The following SRGAP2 variants were observed in gnomAD, a reference collection of about 807,000 sequenced individuals.
The protein encoded by SRGAP2 is SLIT-ROBO Rho GTPase-activating protein 2.
In SRGAP2, 15 loss-of-function variants were observed where a neutral mutation model predicts 57.2. That is an observed-to-expected ratio of 0.26 (90% CI 0.18 to 0.40). The LOEUF (loss-of-function observed/expected upper bound fraction) is 0.40. Ranked by LOEUF, SRGAP2 falls within the 10% of genes least tolerant of loss-of-function variation. SRGAP2 has a pLI of 1.00. For synonymous variants in SRGAP2, 249 were observed against 248.0 expected (o/e 1.00, Z -0.04); for missense variants, 520 against 669.6 (o/e 0.78, Z 2.47).
chr1:206,423,304 A>G (rs1041548679), intron 13 of SRGAP2, among the ~76,000 whole-genome samples: 5 of 152,056 alleles, frequency 3.3e-5, no homozygotes, highest in Non-Finnish European at 7.4e-5. Flanking sequence ...TCCTCTCACG[A>G]TGTCTCTCTA....
At chr1:206,319,151 C>A (rs1425611008) in intron 3 of SRGAP2, among the ~76,000 whole-genome samples, 1 of 151,036 alleles carries the variant, frequency 6.6e-6, no homozygotes, top group Non-Finnish European at 1.5e-5. Flanking sequence ...GTGGCTCACG[C>A]CTGTAATCCC....
intron 17 of SRGAP2, among the ~76,000 whole-genome samples, chr1:206,445,535 T>A (rs1177618820): frequency 1.3e-5 from 2 of 152,240 alleles, no homozygotes; most frequent in South Asian, 2.1e-4. Flanking sequence ...ATACGAAAGC[T>A]AATCAGTTGG....
At position 206,437,723 on chromosome 1, in the gene SRGAP2, C is replaced by T. The variant is rs566337647; in HGVS notation, c.1634-241C>T. On this transcript the variant is annotated intron_variant, in intron 15 of 22. Transcript: ENST00000573034. Reference sequence around the variant, plus strand: ...CCATAGGGAATGTCCCTGAGCCAGGCTGGCACAAGAGAGTTTATATTGGTG... The same window carrying T: ...CCATAGGGAATGTCCCTGAGCCAGGTTGGCACAAGAGAGTTTATATTGGTG... 94 of 491,852 alleles carry T rather than the reference C, an allele frequency of 1.9e-4. 1 individual carries two copies. In the South Asian group the frequency reaches 2.5e-3, roughly 13 times the overall value. 30.5% of individuals were successfully genotyped at this position (491,852 alleles called of 1,614,324 possible).
chr1:206,209,096 A>G (rs1406123153), intron 2 of SRGAP2, among the ~76,000 whole-genome samples: 3 of 145,342 alleles, frequency 2.1e-5, no homozygotes, highest in African/African-American at 8.1e-5. Flanking sequence ...TGGGCTGACT[A>G]TTGAGGCTGC....
At chr1:206,447,925 C>T (rs1318704146) in intron 18 of SRGAP2, among the ~76,000 whole-genome samples, 1 of 152,172 alleles carries the variant, frequency 6.6e-6, no homozygotes, top group Non-Finnish European at 1.5e-5. Flanking sequence ...CCACCTGTTT[C>T]TTGTGCACTC....
chr1:206,303,244 C>T (rs1223124513), intron 2 of SRGAP2, 37 bp from the exon 3 acceptor site: 16 of 1,421,290 alleles, frequency 1.1e-5, no homozygotes, highest in Middle Eastern at 1.9e-4. Context: ...TTATTTAGGG[C>T]GGTCTTTCTG....
chr1:206,438,122 T>C, intron 16 of SRGAP2, 24 bp downstream of exon 16: 2 of 780,130 alleles, frequency 2.6e-6, no homozygotes, highest in Non-Finnish European at 4.8e-6. Context: ...TGGCTTCAGA[T>C]TGGCTTCTGG....
At chr1:206,450,670 T>C (rs556725275) in intron 19 of SRGAP2, among the ~76,000 whole-genome samples, 1 of 152,192 alleles carries the variant, frequency 6.6e-6, no homozygotes, top group Admixed American at 6.5e-5. Context: ...AAACCAGAGG[T>C]GAAGAACTAG....
chr1:206,318,231 T>G (rs1214794841), intron 3 of SRGAP2, among the ~76,000 whole-genome samples: 1 of 149,880 alleles, frequency 6.7e-6, no homozygotes, highest in Non-Finnish European at 1.5e-5. Flanking sequence ...ACAGAATTGA[T>G]TTCTGCAGTG....
At position 206,461,197 on chromosome 1, in the gene SRGAP2, C is replaced by G. The variant is rs373261411; in HGVS notation, c.2993C>G (p.Thr998Ser). The G allele has an allele frequency of 7.7e-6, 6 of 780,578 alleles. No individual in the cohort carries two copies. The highest frequency in any genetic ancestry group is 3.4e-5 in the Admixed American group (2 of 58,998). 48.4% of individuals were successfully genotyped at this position (780,578 alleles called of 1,614,324 possible). A position where few individuals can be genotyped will look rare whatever the true frequency, so the allele number is the denominator to read the frequency against. Residue 998 changes from threonine (T) to serine (S), a missense_variant, in exon 23 of 23, where the codon ACC becomes AGC. Coordinates refer to ENST00000573034, the MANE Select transcript of SRGAP2 (RefSeq NM_015326.5). ...PTSEPSSPLH[T>S]QLLKDPEPAF... The stretch of plus-strand genomic sequence containing the variant: ...TCAGAGCCCTCCAGCCCTCTGCACA[C>G]CCAGCTCCTCAAGGACCCCGAGCCC...
chr1:206,444,643 C>T (rs1662595176), intron 17 of SRGAP2, among the ~76,000 whole-genome samples: 1 of 152,210 alleles, frequency 6.6e-6, no homozygotes, highest in Admixed American at 6.5e-5. Flanking sequence ...CTGAGGTTAC[C>T]AAGGTAATTA....
chr1:206,254,659 T>C (rs1553311864), intron 2 of SRGAP2, among the ~76,000 whole-genome samples: 2 of 151,568 alleles, frequency 1.3e-5, no homozygotes, highest in African/African-American at 4.9e-5. Context: ...ATCTATATCC[T>C]GCACCATACA....
At chr1:206,295,812 A>G (rs1436193873) in intron 2 of SRGAP2, among the ~76,000 whole-genome samples, 28 of 152,328 alleles carry the variant, frequency 1.8e-4, no homozygotes, top group African/African-American at 6.7e-4. Flanking sequence ...AGAAATCCTC[A>G]CTTTATCCAT....
chr1:206,386,095 G>A (rs1553348382), intron 5 of SRGAP2, among the ~76,000 whole-genome samples: 1 of 152,190 alleles, frequency 6.6e-6, no homozygotes, highest in African/African-American at 2.4e-5. Flanking sequence ...AATGCCTGAA[G>A]ACATTTTTGA....
At chr1:206,229,933 C>G in intron 2 of SRGAP2, among the ~76,000 whole-genome samples, 1 of 113,428 alleles carries the variant, frequency 8.8e-6, no homozygotes, top group Admixed American at 8.5e-5. Context: ...CACATACATA[C>G]ACACACACAC....
chr1:206,281,868 C>T (rs1253808429), intron 2 of SRGAP2, among the ~76,000 whole-genome samples: 1 of 140,718 alleles, frequency 7.1e-6, no homozygotes, highest in Non-Finnish European at 1.5e-5. Flanking sequence ...GAGCAGAGAT[C>T]GCACCACTGC....
intron 5 of SRGAP2, among the ~76,000 whole-genome samples, chr1:206,391,013 T>C (rs1553350248): frequency 6.6e-6 from 1 of 152,174 alleles, no homozygotes; most frequent in African/African-American, 2.4e-5. Flanking sequence ...CTTTCTAAGC[T>C]AGATTTTCTC....
intron 4 of SRGAP2, among the ~76,000 whole-genome samples, chr1:206,355,793 C>G (rs1378526686): frequency 6.6e-6 from 1 of 152,002 alleles, no homozygotes. Context: ...ATGCTGAAAC[C>G]CTGTCTCTAC....
Position 206,440,027 on chromosome 1 carries a change from T to G in SRGAP2, c.1820T>G (p.Val607Gly). 1.3e-6 allele frequency: 1 copy of G among 780,926 alleles called. No homozygotes were observed. Among genetic ancestry groups the G allele is most frequent in the Middle Eastern group, 2.3e-4 (1 of 4,442 alleles). 48.4% of individuals were successfully genotyped at this position (780,926 alleles called of 1,614,324 possible). ...CTGCACATCCGGAAAGTCCTCCTAG[T>G]CCTGCCCAAAACCACTCTGATTATC... ...RALHIRKVLL[V>G]LPKTTLIIMR... is the part of the protein sequence containing the mutation. The change falls in exon 17 of 23, where the codon GTC (valine) becomes GGC (glycine). Residue 607 changes from valine to glycine, a missense_variant. Val to Gly is a moderately radical substitution (Grantham distance 109, BLOSUM62 -3). Around this residue, in one of 5 missense-constraint regions of SRGAP2, gnomAD observed 478 missense variants for 373.6 expected, o/e 1.28. Coordinates refer to ENST00000573034, the MANE Select transcript of SRGAP2 (RefSeq NM_015326.5).
Sources: allele counts gnomAD v4.1 joint callset (sites outside exome capture counted in the v4.1 genomes callset), GRCh38; gene constraint gnomAD v4.1.1; regional missense constraint gnomAD v4.1.1; transcripts MANE v1.5; gene names NCBI Gene and HGNC (gene_info 2026-07-23, HGNC 2026-07-21).